Variants in DTNB observed in about 807,000 individuals in gnomAD.
DTNB encodes the protein dystrobrevin beta.
Under a neutral mutation model 90.7 loss-of-function variants are expected in DTNB, and 63 were observed. The observed-to-expected ratio is 0.69, with a 90% CI of 0.57 to 0.86. The LOEUF is 0.86. DTNB is among the 40% of genes least tolerant of loss of function. The pLI is 0.00. For synonymous variants in DTNB, 277 were observed against 286.7 expected, an observed-to-expected ratio of 0.97 and a Z score of 0.34; for missense variants, 744 against 807.1, an observed-to-expected ratio of 0.92 and a Z score of 0.95.
intron 16 of DTNB, among the ~76,000 whole-genome samples, chr2:25,411,877 T>C (rs1349781449): frequency 3.3e-5 from 5 of 152,200 alleles, no homozygotes; most frequent in African/African-American, 1.2e-4. Flanking sequence ...CTTTGCCTTT[T>C]GGGAAGTAGA....
intron 3 of DTNB, among the ~76,000 whole-genome samples, chr2:25,635,027 T>A (rs1171960598): frequency 3.0e-5 from 4 of 132,398 alleles, no homozygotes; most frequent in Non-Finnish European, 6.4e-5. Flanking sequence ...AATCCCCCTC[T>A]GCGAGAAACA....
chr2:25,467,295 CTTTCT>C (rs1170402415), intron 10 of DTNB, among the ~76,000 whole-genome samples: 11 of 124,216 alleles, frequency 8.9e-5, no homozygotes, highest in South Asian at 7.5e-4. Flanking sequence ...TGTTTTCTTT[CTTTCT>C]TTTTTTTTTT....
intron 18 of DTNB, among the ~76,000 whole-genome samples, chr2:25,384,831 C>T (rs536417666): frequency 3.3e-5 from 5 of 151,894 alleles, no homozygotes; most frequent in East Asian, 1.9e-4. Context: ...TATTGGGTGG[C>T]GAGTTGGATT....
At chr2:25,649,555 C>T (rs1034841381) in intron 2 of DTNB, among the ~76,000 whole-genome samples, 1 of 151,870 alleles carries the variant, frequency 6.6e-6, no homozygotes, top group South Asian at 2.1e-4. Flanking sequence ...CCCATCACTA[C>T]GAAAAACAAG....
chr2:25,557,276 T>C (rs996990215), intron 8 of DTNB, among the ~76,000 whole-genome samples: 2 of 152,194 alleles, frequency 1.3e-5, no homozygotes, highest in African/African-American at 4.8e-5. Context: ...TCTTCCCATG[T>C]GCTTCTGTGT....
At chr2:25,522,010 A>G (rs2076222997) in intron 9 of DTNB, among the ~76,000 whole-genome samples, 1 of 152,250 alleles carries the variant, frequency 6.6e-6, no homozygotes, top group East Asian at 1.9e-4. Context: ...TAAAGAGATT[A>G]GGCTTAAGAA....
At chr2:25,556,469 C>T (rs1016871731) in intron 8 of DTNB, among the ~76,000 whole-genome samples, 4 of 152,024 alleles carry the variant, frequency 2.6e-5, no homozygotes, top group African/African-American at 7.2e-5. Flanking sequence ...TTTCCAAAAT[C>T]GAAAGTAATT....
intron 18 of DTNB, among the ~76,000 whole-genome samples, chr2:25,384,869 TTTTTC>T (rs1398375636): frequency 3.9e-4 from 60 of 152,174 alleles, no homozygotes; most frequent in African/African-American, 7.7e-4. Flanking sequence ...CTTTACAATT[TTTTTC>T]TTTTCTTTTC....
chr2:25,479,900 GAGCATTCCTGTCTGGGCAGAGT>G (rs1254984874), intron 10 of DTNB, among the ~76,000 whole-genome samples: 1 of 152,100 alleles, frequency 6.6e-6, no homozygotes. Context: ...CTATCTCCGC[GAGCATTCCTGTCTGGGCAGAGT>G]AAGGCTCTGT....
At chr2:25,391,124 C>A (rs2040987021) in intron 16 of DTNB, among the ~76,000 whole-genome samples, 1 of 151,924 alleles carries the variant, frequency 6.6e-6, no homozygotes, top group East Asian at 1.9e-4. Flanking sequence ...TCTCGATCTC[C>A]TGACCTCGTG....
At chr2:25,593,591 T>A (rs994025784) in intron 6 of DTNB, among the ~76,000 whole-genome samples, 2 of 152,196 alleles carry the variant, frequency 1.3e-5, no homozygotes, top group Admixed American at 1.3e-4. Flanking sequence ...ATTGATTTTT[T>A]TTTACAGGAA....
intron 10 of DTNB, among the ~76,000 whole-genome samples, chr2:25,469,160 T>C (rs537187764): frequency 1.3e-5 from 2 of 152,232 alleles, no homozygotes; most frequent in Non-Finnish European, 1.5e-5. Context: ...AGATCATATA[T>C]AGAATATTTG....
chr2:25,654,166 T>C (rs1205460006), intron 1 of DTNB, among the ~76,000 whole-genome samples: 1 of 152,240 alleles, frequency 6.6e-6, no homozygotes, highest in Non-Finnish European at 1.5e-5. Context: ...GCTCGTGTTC[T>C]TTCCACCACA....
chr2:25,508,820 C>T (rs2073206045), intron 9 of DTNB, among the ~76,000 whole-genome samples: 1 of 152,212 alleles, frequency 6.6e-6, no homozygotes, highest in African/African-American at 2.4e-5. Flanking sequence ...AGGCGTGAGC[C>T]ACTGCACCCG....
intron 8 of DTNB, among the ~76,000 whole-genome samples, chr2:25,562,961 G>A (rs1371588185): frequency 2.0e-5 from 3 of 152,036 alleles, no homozygotes; most frequent in Non-Finnish European, 4.4e-5. Context: ...GTAGAGATGG[G>A]GTTTCACTGT....
At chr2:25,471,991 G>A (rs887801390) in intron 10 of DTNB, among the ~76,000 whole-genome samples, 1 of 152,240 alleles carries the variant, frequency 6.6e-6, no homozygotes, top group African/African-American at 2.4e-5. Context: ...TCCCTGCTCT[G>A]AATGGAATAA....
chr2:25,565,519 A>G lies in DTNB; in HGVS notation c.876+11319T>C, dbSNP rs537777252. ...CCCTCCTGAGTCTCTCGAAGGGATT[A>G]AAGGTGTGAGCCACTCTGACTGACC... On this transcript the variant is annotated intron_variant, in intron 8 of 20. Transcript: ENST00000406818. Among the ~76,000 whole-genome samples the G allele has an allele frequency of 1.5e-4, 23 of 152,242 alleles. No homozygotes were observed. In the East Asian group the frequency reaches 3.9e-3, roughly 26 times the overall value.
intron 2 of DTNB, among the ~76,000 whole-genome samples, chr2:25,643,607 A>T (rs1003152642): frequency 3.9e-5 from 6 of 152,230 alleles, no homozygotes; most frequent in African/African-American, 1.4e-4. Flanking sequence ...AGAGGAGGAC[A>T]ATCAAAGTAG....
intron 20 of DTNB, among the ~76,000 whole-genome samples, chr2:25,378,097 G>C (rs915338147): frequency 5.3e-5 from 8 of 152,188 alleles, no homozygotes; most frequent in African/African-American, 1.9e-4. Flanking sequence ...AAGGCGGTGG[G>C]GGCACATGGC....
Sources: gnomAD v4.1 joint callset for allele counts (sites outside exome capture counted in the v4.1 genomes callset) on GRCh38, gnomAD v4.1.1 for gene constraint, MANE v1.5 for transcripts, NCBI Gene and HGNC (gene_info 2026-07-23, HGNC 2026-07-21) for gene names.